The following PLCG2 variants were observed in gnomAD, a reference collection of about 807,000 sequenced individuals.
PLCG2 encodes phospholipase C gamma 2, also known as 1-phosphatidylinositol 4,5-bisphosphate phosphodiesterase gamma-2.
Under a neutral mutation model 175.6 loss-of-function variants are expected in PLCG2, and 69 were observed. The observed-to-expected ratio is 0.39, with a 90% confidence interval of 0.32 to 0.48. The LOEUF is 0.48. Ranked by LOEUF, PLCG2 falls within the 20% of genes least tolerant of loss-of-function variation. PLCG2 has a pLI of 0.91. For synonymous variants in PLCG2, 827 were observed against 624.0 expected (o/e 1.33, Z -4.85); for missense variants, 1,798 against 1,650.9 (o/e 1.09, Z -1.54).
intron 29 of PLCG2, among the ~76,000 whole-genome samples, chr16:81,939,661 G>T (rs1332400530): frequency 6.6e-6 from 1 of 152,168 alleles, no homozygotes; most frequent in Non-Finnish European, 1.5e-5. Flanking sequence ...GATGGGAGGT[G>T]GTCTCCTTCC....
chr16:81,745,355 T>A (rs1263842131), intron 1 of PLCG2, among the ~76,000 whole-genome samples: 1 of 152,156 alleles, frequency 6.6e-6, no homozygotes, highest in Non-Finnish European at 1.5e-5. Context: ...AGTTGCAATA[T>A]CCCTTAGGGT....
rs1017118767 is a variant in PLCG2, at chr16:81,826,546, C to G, written c.194-27898C>G. Among the ~76,000 whole-genome samples, 4 of 152,222 alleles carry G rather than the reference C, an allele frequency of 2.6e-5. No homozygotes were observed. In the East Asian group the frequency reaches 7.7e-4, roughly 29 times the overall value. ...GTTTTAGAATTCAATGTAACAAGCA[C>G]TTAGAATAACACATGTTCAGTCAGT... On this transcript the variant is annotated intron_variant, in intron 2 of 32. Transcript: ENST00000564138.
At chr16:81,781,865 T>TCCCCCC (rs11355840) in intron 1 of PLCG2, among the ~76,000 whole-genome samples, 4 of 36,664 alleles carry the variant, frequency 1.1e-4, no homozygotes, top group Admixed American at 3.4e-4. Flanking sequence ...TCATGTCCTT[T>TCCCCCC]CCCCCCCCCC....
At chr16:81,784,302 T>C (rs11866195) in intron 1 of PLCG2, among the ~76,000 whole-genome samples, 64,685 of 151,740 alleles carry the variant, frequency 0.43, 13,948 homozygotes, top group South Asian at 0.64. Flanking sequence ...CCCCAATGGC[T>C]GATTAATGCT....
At chr16:81,807,127 G>A (rs1597329689) in intron 2 of PLCG2, among the ~76,000 whole-genome samples, 1 of 152,200 alleles carries the variant, frequency 6.6e-6, no homozygotes, top group East Asian at 1.9e-4. Context: ...CAGGTGGTCA[G>A]TGGAGACCTC....
rs144363484 is a variant in PLCG2, at chr16:81,841,204, CTTTATTTATTTATTTATTTATTTA to C, written c.194-13213_194-13190del. On this transcript the variant is annotated intron_variant, in intron 2 of 32. Transcript: ENST00000564138. ...CCCTATCTGCAGGCCAAAAAGTAAA[CTTTATTTATTTATTTATTTATTTA>C]TTTATTTATTTATTTATTTATTTAT... Among the ~76,000 whole-genome samples the C allele has an allele frequency of 2.9e-3, 419 of 144,734 alleles. 2 individuals are homozygous for C. Among genetic ancestry groups the C allele is most frequent in the Non-Finnish European group, 4.4e-3 (289 of 66,342 alleles). The allele number at this position is 144,734 out of a possible 152,430, so 95.0% of individuals were successfully genotyped here. A position where few individuals can be genotyped will look rare whatever the true frequency, so the allele number is the denominator to read the frequency against.
At position 81,960,265 on chromosome 16, in the gene PLCG2, G is replaced by C. The variant is rs1911734299; in HGVS notation, c.*2267G>C. ...ACACATGGTATGATGGCTCTTCCCAGAGTCTATGTGATGCTACATAACTTC... is the reference window on the plus strand; with the variant it reads ...ACACATGGTATGATGGCTCTTCCCACAGTCTATGTGATGCTACATAACTTC... On this transcript the variant is annotated 3_prime_UTR_variant, in exon 33 of 33. Transcript: ENST00000564138. The C allele has an allele frequency of 9.1e-6, 2 of 220,846 alleles. No homozygotes were observed. The highest frequency in any genetic ancestry group is 6.6e-5 in the East Asian group (1 of 15,066). 13.7% of individuals were successfully genotyped at this position (220,846 alleles called of 1,614,324 possible).
intron 7 of PLCG2, among the ~76,000 whole-genome samples, chr16:81,871,727 G>C (rs536224694): frequency 6.6e-6 from 1 of 152,260 alleles, no homozygotes; most frequent in East Asian, 1.9e-4. Context: ...TGTATGTTTT[G>C]ATCTGACAGT....
At chr16:81,817,799 C>G (rs915008367) in intron 2 of PLCG2, among the ~76,000 whole-genome samples, 3 of 152,234 alleles carry the variant, frequency 2.0e-5, no homozygotes, top group Non-Finnish European at 4.4e-5. Context: ...GATTCTTTCA[C>G]TTAACACATT....
chr16:81,951,167 G>T (rs1390211194), intron 31 of PLCG2, among the ~76,000 whole-genome samples: 1 of 150,968 alleles, frequency 6.6e-6, no homozygotes, highest in Non-Finnish European at 1.5e-5. Flanking sequence ...TGTGTGTGGA[G>T]ACAGGGCCCT....
intron 2 of PLCG2, among the ~76,000 whole-genome samples, chr16:81,827,735 G>C (rs1905100980): frequency 6.6e-6 from 1 of 152,176 alleles, no homozygotes; most frequent in Admixed American, 6.5e-5. Context: ...TGCAGGCTCA[G>C]GGTCCACAGA....
chr16:81,742,160 G>GGT (rs1909609905), intron 1 of PLCG2, among the ~76,000 whole-genome samples: 1 of 141,156 alleles, frequency 7.1e-6, no homozygotes, highest in African/African-American at 2.6e-5. Context: ...GGGGCGGGGG[G>GGT]GGGGGCGGTG....
At chr16:81,848,537 T>G (rs971221172) in intron 2 of PLCG2, among the ~76,000 whole-genome samples, 1 of 152,330 alleles carries the variant, frequency 6.6e-6, no homozygotes, top group South Asian at 2.1e-4. Context: ...GGGTAACCTG[T>G]GCTTTTCTGT....
intron 1 of PLCG2, among the ~76,000 whole-genome samples, chr16:81,746,649 C>T (rs990062909): frequency 2.0e-5 from 3 of 152,210 alleles, no homozygotes; most frequent in East Asian, 1.9e-4. Flanking sequence ...TCTGTGATGC[C>T]ATTCATGTCT....
At chr16:81,884,122 G>T (rs957668565) in intron 9 of PLCG2, among the ~76,000 whole-genome samples, 1 of 152,190 alleles carries the variant, frequency 6.6e-6, no homozygotes. Context: ...AGGCCGAGGC[G>T]GGCGGATCAC....
chr16:81,845,072 G>A (rs1279885470), intron 2 of PLCG2, among the ~76,000 whole-genome samples: 1 of 152,172 alleles, frequency 6.6e-6, no homozygotes, highest in African/African-American at 2.4e-5. Context: ...GAGACTACCA[G>A]TGTGCACCAG....
chr16:81,823,445 G>C lies in PLCG2; in HGVS notation c.194-30999G>C, dbSNP rs7193222. 6.1e-3 allele frequency among the ~76,000 whole-genome samples: 925 copies of C among 152,300 alleles called. 8 individuals are homozygous for C. The highest frequency in any genetic ancestry group is 0.024 in the Middle Eastern group (7 of 294). ...CAGGTGAAGATTGAGTGGGGGTAGG[G>C]GCTGCACTGTCTGATCTCTGAAGTG... is the stretch of plus-strand genomic sequence containing the variant. On this transcript the variant is annotated intron_variant, in intron 2 of 32. Coordinates refer to ENST00000564138, the MANE Select transcript of PLCG2 (RefSeq NM_002661.5).
chr16:81,869,412 GC>G (rs1907404402), intron 6 of PLCG2, 114 bp downstream of exon 6: 3 of 747,566 alleles, frequency 4.0e-6, no homozygotes, highest in Non-Finnish European at 4.8e-6. Flanking sequence ...AAAATCCTTT[GC>G]CTCCAGAGTA....
intron 26 of PLCG2, chr16:81,935,737 T>A: frequency 2.0e-6 from 2 of 985,354 alleles, no homozygotes; most frequent in Non-Finnish European, 2.4e-6. Flanking sequence ...GGCACCCACA[T>A]TGCAACCCTA....
Sources: allele counts gnomAD v4.1 joint callset (sites outside exome capture counted in the v4.1 genomes callset), GRCh38; gene constraint gnomAD v4.1.1; transcripts MANE v1.5; gene names NCBI Gene and HGNC (gene_info 2026-07-23, HGNC 2026-07-21).